FAM222A: variants seen among roughly 807,000 people sequenced by gnomAD.
FAM222A encodes the protein protein FAM222A.
FAM222A carries 7 observed loss-of-function variants against 25.8 expected under a neutral mutation model. That is an observed-to-expected ratio of 0.27 (90% CI 0.15 to 0.51). The LOEUF (loss-of-function observed/expected upper bound fraction) is 0.51, where lower values mean the gene tolerates loss of function less well. Among genes scored for constraint, FAM222A ranks in the 20% least tolerant of loss-of-function variants. The pLI, the probability that FAM222A is intolerant of heterozygous loss-of-function variation, is 0.97. For synonymous variants in FAM222A, 294 were observed against 298.8 expected (o/e 0.98, Z 0.17); for missense variants, 573 against 640.5 (o/e 0.89, Z 1.14).
At chr12:109,732,001 G>A (rs569356208) in intron 1 of FAM222A, among the ~76,000 whole-genome samples, 18 of 152,316 alleles carry the variant, frequency 1.2e-4, no homozygotes, top group Middle Eastern at 6.8e-3. Context: ...TGTGCACCCT[G>A]GGCAAGCCAC....
chr12:109,731,784 G>A (rs775767619), intron 1 of FAM222A, among the ~76,000 whole-genome samples: 19 of 152,172 alleles, frequency 1.2e-4, no homozygotes, highest in Non-Finnish European at 2.4e-4. Context: ...GGGGTTTGTC[G>A]GGTTGAGGTG....
intron 1 of FAM222A, among the ~76,000 whole-genome samples, chr12:109,740,098 C>G (rs1012667008): frequency 1.3e-5 from 2 of 152,234 alleles, no homozygotes; most frequent in African/African-American, 2.4e-5. Flanking sequence ...AAAACAGAGA[C>G]AGCCTCCTCC....
chr12:109,730,011 A>G (rs1887916320), intron 1 of FAM222A, among the ~76,000 whole-genome samples: 1 of 152,028 alleles, frequency 6.6e-6, no homozygotes, highest in Non-Finnish European at 1.5e-5. Flanking sequence ...AGTCCCTGCC[A>G]TGACCACCGC....
chr12:109,720,594 C>T (rs1887729467), intron 1 of FAM222A, among the ~76,000 whole-genome samples: 1 of 152,246 alleles, frequency 6.6e-6, no homozygotes, highest in Non-Finnish European at 1.5e-5. Context: ...TGAGGTTTGG[C>T]AGTAACCGAT....
At chr12:109,767,203 C>A (rs1422905448) in intron 2 of FAM222A, among the ~76,000 whole-genome samples, 1 of 151,882 alleles carries the variant, frequency 6.6e-6, no homozygotes, top group Non-Finnish European at 1.5e-5. Context: ...GCCACCTCAC[C>A]CAGCTAGAAA....
chr12:109,761,623 G>T (rs528304156), intron 2 of FAM222A, among the ~76,000 whole-genome samples: 1 of 152,144 alleles, frequency 6.6e-6, no homozygotes, highest in Non-Finnish European at 1.5e-5. Context: ...TGTGGGAGCC[G>T]CCTCTTTCCA....
intron 1 of FAM222A, among the ~76,000 whole-genome samples, chr12:109,740,208 T>A (rs1888200753): frequency 6.6e-6 from 1 of 152,194 alleles, no homozygotes; most frequent in Non-Finnish European, 1.5e-5. Flanking sequence ...ATTTCCTTTA[T>A]CTAAATCCTC....
Position 109,769,294 on chromosome 12 carries a change from G to A in FAM222A, c.*6G>A, listed in dbSNP as rs1164124644. The A allele has an allele frequency of 3.1e-6, 5 of 1,604,336 alleles. No individual in the cohort carries two copies. The South Asian group carries it at 3.3e-5, about 11-fold the overall frequency. ...GCCTACCCGTCTACAGATAAGGCCT[G>A]CCCTGCGGACATACGGACATGCGGA... is the stretch of plus-strand genomic sequence containing the variant. On this transcript the variant is annotated 3_prime_UTR_variant, in exon 3 of 3. Transcript: ENST00000538780.
chr12:109,732,807 A>T (rs898614799), intron 1 of FAM222A, among the ~76,000 whole-genome samples: 5 of 152,240 alleles, frequency 3.3e-5, no homozygotes, highest in African/African-American at 1.2e-4. Flanking sequence ...GATGAGGTAG[A>T]TGAACAAGGG....
At chr12:109,726,498 T>G (rs1411273156) in intron 1 of FAM222A, among the ~76,000 whole-genome samples, 2 of 152,194 alleles carry the variant, frequency 1.3e-5, no homozygotes, top group Non-Finnish European at 2.9e-5. Context: ...CTGTAACCAT[T>G]GTACCATCCT....
intron 2 of FAM222A, among the ~76,000 whole-genome samples, chr12:109,757,798 A>G (rs1386537993): frequency 1.3e-5 from 2 of 152,142 alleles, no homozygotes; most frequent in Non-Finnish European, 2.9e-5. Context: ...TCAGAACAAC[A>G]TGTATATGGC....
At chr12:109,747,683 T>A (rs992147317) in intron 2 of FAM222A, among the ~76,000 whole-genome samples, 1 of 52,924 alleles carries the variant, frequency 1.9e-5, no homozygotes, top group Admixed American at 2.1e-4. Flanking sequence ...TCTTCCACAT[T>A]GTGTTGGTTA....
chr12:109,759,543 C>T (rs746956727), intron 2 of FAM222A, among the ~76,000 whole-genome samples: 4 of 152,192 alleles, frequency 2.6e-5, no homozygotes, highest in African/African-American at 7.2e-5. Context: ...CGTTAATAAC[C>T]GCATCTATTT....
intron 1 of FAM222A, among the ~76,000 whole-genome samples, chr12:109,716,182 A>G (rs1419289891): frequency 6.6e-6 from 1 of 152,216 alleles, no homozygotes; most frequent in Non-Finnish European, 1.5e-5. Flanking sequence ...ACACCCCAGT[A>G]CTGGCACGCT....
chr12:109,718,572 C>G (rs1887690155), intron 1 of FAM222A, among the ~76,000 whole-genome samples: 2 of 152,244 alleles, frequency 1.3e-5, no homozygotes, highest in Admixed American at 6.5e-5. Flanking sequence ...AATTGCTGCT[C>G]TCTCCCAGCA....
chr12:109,728,113 G>A (rs1182670771), intron 1 of FAM222A, among the ~76,000 whole-genome samples: 2 of 152,174 alleles, frequency 1.3e-5, no homozygotes, highest in Admixed American at 6.5e-5. Flanking sequence ...AAGCACACTC[G>A]GGCCACACAA....
At chr12:109,744,256 C>G (rs1182468857) in intron 2 of FAM222A, 28 bp downstream of exon 2, 2 of 1,600,796 alleles carry the variant, frequency 1.2e-6, no homozygotes, top group Admixed American at 3.4e-5. Flanking sequence ...CCAGCCTTTG[C>G]AGGGCAGGTC....
At chr12:109,743,255 G>A (rs967275289) in intron 1 of FAM222A, among the ~76,000 whole-genome samples, 7 of 152,180 alleles carry the variant, frequency 4.6e-5, no homozygotes, top group African/African-American at 1.7e-4. Context: ...CAGGGGCTTT[G>A]GGCTCTCAGG....
chr12:109,757,926 C>A (rs1427289064), intron 2 of FAM222A, among the ~76,000 whole-genome samples: 1 of 152,134 alleles, frequency 6.6e-6, no homozygotes, highest in Non-Finnish European at 1.5e-5. Context: ...AATCTGGGGC[C>A]CTGGGTGCAG....
Sources: allele counts gnomAD v4.1 joint callset (sites outside exome capture counted in the v4.1 genomes callset), GRCh38; gene constraint gnomAD v4.1.1; transcripts MANE v1.5; gene names NCBI Gene and HGNC (gene_info 2026-07-23, HGNC 2026-07-21).